Variants in DLG2 observed in about 807,000 individuals in gnomAD.
DLG2 encodes the protein discs large MAGUK scaffold protein 2, also known as disks large homolog 2.
A neutral mutation model predicts 132.5 loss-of-function variants in DLG2; 45 were observed. The ratio of observed to expected loss-of-function variants is 0.34; its 90% confidence interval spans 0.27 to 0.44. The LOEUF (loss-of-function observed/expected upper bound fraction) is 0.44. Ranked by LOEUF, DLG2 falls within the 20% of genes least tolerant of loss-of-function variation. The pLI is 1.00. For synonymous variants in DLG2, 424 were observed against 419.6 expected (o/e 1.01, Z -0.13); for missense variants, 1,045 against 1,196.9 (o/e 0.87, Z 1.87).
chr11:84,464,965 A>G (rs888708055), intron 7 of DLG2, among the ~76,000 whole-genome samples: 1 of 151,252 alleles, frequency 6.6e-6, no homozygotes, highest in African/African-American at 2.4e-5. Flanking sequence ...AGGTCATGAC[A>G]TATTTATGAT....
intron 3 of DLG2, among the ~76,000 whole-genome samples, chr11:85,586,812 A>T (rs1482237325): frequency 6.6e-6 from 1 of 151,928 alleles, no homozygotes; most frequent in African/African-American, 2.4e-5. Flanking sequence ...GCTCTTTCAG[A>T]CTTTTTGATG....
chr11:84,688,969 G>A (rs1052897825), intron 6 of DLG2, among the ~76,000 whole-genome samples: 1 of 152,156 alleles, frequency 6.6e-6, no homozygotes, highest in Non-Finnish European at 1.5e-5. Flanking sequence ...GAATTACCCA[G>A]CCTTTAGAAT....
intron 6 of DLG2, among the ~76,000 whole-genome samples, chr11:84,839,914 C>T (rs914103475): frequency 3.3e-5 from 5 of 152,098 alleles, no homozygotes; most frequent in Non-Finnish European, 5.9e-5. Flanking sequence ...CAATACCATT[C>T]AGGACATAGG....
At chr11:85,434,217 G>A (rs1565487291) in intron 3 of DLG2, among the ~76,000 whole-genome samples, 1 of 152,110 alleles carries the variant, frequency 6.6e-6, no homozygotes, top group Admixed American at 6.6e-5. Flanking sequence ...ACATCAGAAA[G>A]CTAGAAAGAT....
chr11:85,547,158 T>G (rs1598425769), intron 3 of DLG2, among the ~76,000 whole-genome samples: 1 of 152,200 alleles, frequency 6.6e-6, no homozygotes, highest in East Asian at 1.9e-4. Flanking sequence ...TGTTTAATGC[T>G]TCCTTCAGGA....
chr11:84,251,673 C>T (rs1333676015), intron 7 of DLG2, among the ~76,000 whole-genome samples: 2 of 123,726 alleles, frequency 1.6e-5, no homozygotes, highest in African/African-American at 3.1e-5. Flanking sequence ...ACAAGAATCT[C>T]GCTCTGTCAC....
intron 3 of DLG2, among the ~76,000 whole-genome samples, chr11:85,493,853 AGAAAG>A (rs1405345493): frequency 6.6e-6 from 1 of 151,872 alleles, no homozygotes; most frequent in Non-Finnish European, 1.5e-5. Context: ...AAAGAAAAGA[AGAAAG>A]GAAAGAAAGA....
intron 6 of DLG2, among the ~76,000 whole-genome samples, chr11:84,657,264 T>C (rs543420608): frequency 1.1e-3 from 167 of 152,200 alleles, no homozygotes; most frequent in African/African-American, 4.0e-3. Context: ...CACTGCAGCT[T>C]ACTGAACTCA....
chr11:83,535,473 T>C (rs2095857575), intron 20 of DLG2, among the ~76,000 whole-genome samples: 1 of 152,126 alleles, frequency 6.6e-6, no homozygotes, highest in Non-Finnish European at 1.5e-5. Context: ...CATTTCTATG[T>C]TTATCCTTTT....
chr11:85,316,517 A>G (rs1210875411), intron 3 of DLG2, among the ~76,000 whole-genome samples: 1 of 151,974 alleles, frequency 6.6e-6, no homozygotes, highest in East Asian at 1.9e-4. Flanking sequence ...GTAGCAGGAA[A>G]GAAGGGGAAT....
intron 6 of DLG2, among the ~76,000 whole-genome samples, chr11:85,052,439 A>T (rs1365421075): frequency 1.3e-5 from 2 of 152,236 alleles, no homozygotes; most frequent in Admixed American, 1.3e-4. Context: ...AGAGGTTTTC[A>T]TAAAGGGCCA....
chr11:84,572,443 G>A (rs2099487649), intron 6 of DLG2, among the ~76,000 whole-genome samples: 1 of 152,086 alleles, frequency 6.6e-6, no homozygotes, highest in Admixed American at 6.6e-5. Flanking sequence ...GTCTGGGCTA[G>A]ACTCCTGAAG....
chr11:84,048,147 TTAATAA>T (rs200342146), intron 11 of DLG2, among the ~76,000 whole-genome samples: 7 of 150,690 alleles, frequency 4.6e-5, no homozygotes, highest in Admixed American at 3.3e-4. Context: ...TGTCCTTCAT[TTAATAA>T]TAATAATAAT....
intron 3 of DLG2, among the ~76,000 whole-genome samples, chr11:85,548,065 A>C (rs1007974887): frequency 6.6e-6 from 1 of 152,218 alleles, no homozygotes; most frequent in African/African-American, 2.4e-5. Flanking sequence ...GAGAATAGGC[A>C]TTCTGGTTTT....
At chr11:83,748,905 T>A (rs561942531) in intron 18 of DLG2, among the ~76,000 whole-genome samples, 1 of 152,224 alleles carries the variant, frequency 6.6e-6, no homozygotes, top group African/African-American at 2.4e-5. Context: ...ATGAAATAAA[T>A]GAAAGATAAT....
rs1230250031 is a variant in DLG2 at position 84,802,071 on chromosome 11, G to C, written c.358-267340C>G. 8.0e-5 allele frequency among the ~76,000 whole-genome samples: 12 copies of C among 150,444 alleles called. 1 individual carries two copies. In the East Asian group the frequency reaches 2.3e-3, roughly 29 times the overall value. ...TTAGGTGATCATTTAATGTTTTAGG[G>C]ATTGGGAAGCACAGCTTACTTTTAG... On this transcript the variant is annotated intron_variant, in intron 6 of 27. Coordinates refer to ENST00000376104, the MANE Select transcript of DLG2 (RefSeq NM_001142699.3).
chr11:84,330,061 A>G (rs1318039095), intron 7 of DLG2, among the ~76,000 whole-genome samples: 2 of 152,240 alleles, frequency 1.3e-5, no homozygotes, highest in Non-Finnish European at 2.9e-5. Context: ...ATTTCTGTGA[A>G]GTACTTAGCA....
At chr11:83,949,302 C>G (rs963436332) in intron 14 of DLG2, among the ~76,000 whole-genome samples, 2 of 152,016 alleles carry the variant, frequency 1.3e-5, no homozygotes, top group African/African-American at 4.8e-5. Flanking sequence ...GATTCAATAC[C>G]ATGTTGTATG....
chr11:83,881,116 G>C (rs1162602518), intron 15 of DLG2, among the ~76,000 whole-genome samples: 1 of 152,118 alleles, frequency 6.6e-6, no homozygotes, highest in Non-Finnish European at 1.5e-5. Context: ...ATGTAGAAAT[G>C]AACTCATAGT....
Sources: allele counts gnomAD v4.1 joint callset (sites outside exome capture counted in the v4.1 genomes callset), GRCh38; gene constraint gnomAD v4.1.1; transcripts MANE v1.5; gene names NCBI Gene and HGNC (gene_info 2026-07-23, HGNC 2026-07-21).